SENP6: variants seen among roughly 807,000 people sequenced by gnomAD.
SENP6 encodes sentrin-specific protease 6.
Under a neutral mutation model 134.5 loss-of-function variants are expected in SENP6, and 41 were observed. The ratio of observed to expected loss-of-function variants is 0.30; its 90% CI spans 0.24 to 0.40. The LOEUF (loss-of-function observed/expected upper bound fraction) is 0.40, where lower values mean the gene tolerates loss of function less well. SENP6 is among the 10% of genes least tolerant of loss of function. The probability of loss-of-function intolerance (pLI) is 1.00; values close to 1 mark genes in which losing one functional copy is unlikely to be tolerated. For missense variants in SENP6, 1,248 were observed against 1,312.5 expected (o/e 0.95, Z 0.76); for synonymous variants, 395 against 429.8 (o/e 0.92, Z 1.00).
chr6:75,634,759 C>T lies in SENP6; in HGVS notation c.406C>T (p.Arg136Cys), dbSNP rs767018357. 12 of 1,596,160 alleles carry T rather than the reference C, an allele frequency of 7.5e-6. No homozygotes were observed. The highest frequency in any genetic ancestry group is 4.6e-5 in the South Asian group (4 of 86,268). ...LCSGTVVHGRRFHHAHAQIPV... is the reference protein window; with the variant it reads ...LCSGTVVHGRCFHHAHAQIPV... ...TTCTGGAACTGTAGTTCATGGTAGA[C>T]GTTTTCATCATGCTCATGCACAGAT... is the stretch of plus-strand genomic sequence containing the variant. The change falls in exon 5 of 24, where the codon CGT (arginine) becomes TGT (cysteine). Residue 136 changes from arginine (R) to cysteine (C), a missense_variant. Physicochemically the swap from Arg to Cys is radical, Grantham distance 180 (BLOSUM62 -3). Around this residue, in one of 3 missense-constraint regions of SENP6, gnomAD observed 733 missense variants for 725.4 expected, o/e 1.01. Coordinates refer to ENST00000447266, the MANE Select transcript of SENP6 (RefSeq NM_015571.4).
chr6:75,647,841 AT>A (rs2149849480), intron 7 of SENP6, 40 bp downstream of exon 7: 1 of 1,467,808 alleles, frequency 6.8e-7, no homozygotes, highest in East Asian at 2.3e-5. Context: ...AGGATTTCAA[AT>A]TGCTGTATGA....
chr6:75,715,391 A>C lies in SENP6; in HGVS notation c.3136A>C (p.Ile1046Leu). ...CATTTAATTGTATTTTCAGAATCCA[A>C]TTCTCAGTTTTGAACTACCTATGAA... ...QYVESFFENP[I>L]LSFELPMNLA... The change falls in exon 24 of 24, where the codon ATT becomes CTT. Residue 1046 changes from isoleucine (I) to leucine (L), a missense_variant. Ile to Leu is a conservative substitution (Grantham distance 5, BLOSUM62 2). Around this residue, in one of 3 missense-constraint regions of SENP6, gnomAD observed 386 missense variants for 395.0 expected, o/e 0.98. Transcript: ENST00000447266. 1.9e-6 allele frequency: 3 copies of C among 1,604,488 alleles called. No homozygotes were observed. The highest frequency in any genetic ancestry group is 2.6e-6 in the Non-Finnish European group (3 of 1,174,484).
At chr6:75,657,547 C>T (rs1345196003) in intron 7 of SENP6, among the ~76,000 whole-genome samples, 1 of 152,114 alleles carries the variant, frequency 6.6e-6, no homozygotes, top group Non-Finnish European at 1.5e-5. Flanking sequence ...TCTCTTCCTC[C>T]GACCCCTGTA....
chr6:75,703,794 C>A (rs1775206113), intron 19 of SENP6, among the ~76,000 whole-genome samples: 1 of 151,964 alleles, frequency 6.6e-6, no homozygotes, highest in African/African-American at 2.4e-5. Context: ...GAGAACTTTC[C>A]ATCACTCAAA....
intron 11 of SENP6, among the ~76,000 whole-genome samples, chr6:75,673,123 G>A (rs115198720): frequency 5.9e-5 from 9 of 151,802 alleles, no homozygotes; most frequent in East Asian, 5.9e-4. Flanking sequence ...CACTGCACCC[G>A]GCCAATTGGC....
intron 11 of SENP6, among the ~76,000 whole-genome samples, chr6:75,673,687 A>G (rs1772862437): frequency 6.6e-6 from 1 of 152,088 alleles, no homozygotes; most frequent in African/African-American, 2.4e-5. Context: ...AAATACTTAG[A>G]TATCACTTCC....
intron 16 of SENP6, among the ~76,000 whole-genome samples, chr6:75,680,917 A>T (rs1290636278): frequency 2.0e-5 from 3 of 152,176 alleles, no homozygotes; most frequent in Non-Finnish European, 4.4e-5. Flanking sequence ...CAAGAATTAT[A>T]TTGCTCTACA....
At chr6:75,705,987 A>AG (rs1775384537) in intron 19 of SENP6, among the ~76,000 whole-genome samples, 1 of 110,122 alleles carries the variant, frequency 9.1e-6, no homozygotes, top group Admixed American at 1.3e-4. Context: ...CCCAGGCTGG[A>AG]GTGCAGTGGC....
At chr6:75,676,981 A>G (rs961540449) in intron 13 of SENP6, 49 bp from the exon 14 acceptor site, 9 of 866,582 alleles carry the variant, frequency 1.0e-5, no homozygotes, top group Middle Eastern at 3.4e-4. Flanking sequence ...AAAAGTATCT[A>G]TTTACTTCTT....
intron 19 of SENP6, 86 bp from the exon 20 acceptor site, chr6:75,709,440 AT>A (rs1242982835): frequency 3.7e-6 from 3 of 818,976 alleles, no homozygotes; most frequent in Non-Finnish European, 5.9e-6. Flanking sequence ...TGTATCATTA[AT>A]TAACTACTAG....
intron 16 of SENP6, 128 bp downstream of exon 16, chr6:75,679,055 G>C: frequency 1.7e-6 from 1 of 577,336 alleles, no homozygotes. Flanking sequence ...GTGACATTTG[G>C]GGAGTTATTT....
chr6:75,673,736 G>A (rs1044939648), intron 11 of SENP6, among the ~76,000 whole-genome samples: 6 of 151,832 alleles, frequency 4.0e-5, no homozygotes, highest in Non-Finnish European at 8.8e-5. Context: ...TTATTTAAAT[G>A]CTTTATGTCA....
At chr6:75,698,933 C>T (rs988887501) in intron 18 of SENP6, among the ~76,000 whole-genome samples, 39 of 151,512 alleles carry the variant, frequency 2.6e-4, no homozygotes, top group African/African-American at 9.0e-4. Flanking sequence ...ATCGCCTGAA[C>T]CCGGGAGGCA....
Position 75,711,345 on chromosome 6 carries a change from T to C in SENP6, c.2838T>C (p.Asp946=), listed in dbSNP as rs1775732752. ...TTTTATAGGATGATAGCAGTGACGA[T>C]GGATTCCTCGCTGATGACAACTGCA... is the stretch of plus-strand genomic sequence containing the variant. The part of the protein sequence containing the change: ...DQDNQDDSSD[D]GFLADDNCSS... Residue 946 remains aspartate, a synonymous_variant, in exon 21 of 24, where the codon GAT becomes GAC. Coordinates refer to ENST00000447266, the MANE Select transcript of SENP6 (RefSeq NM_015571.4). 1 of 1,613,140 alleles carries C rather than the reference T, an allele frequency of 6.2e-7. No homozygotes were observed. Among genetic ancestry groups the C allele is most frequent in the Non-Finnish European group, 8.5e-7 (1 of 1,179,336 alleles).
intron 2 of SENP6, among the ~76,000 whole-genome samples, chr6:75,623,329 A>G: frequency 6.6e-6 from 1 of 152,154 alleles, no homozygotes; most frequent in Non-Finnish European, 1.5e-5. Flanking sequence ...ATCTATTAAC[A>G]TGAACCTGTT....
chr6:75,629,683 A>T (rs1387041627), intron 3 of SENP6, among the ~76,000 whole-genome samples: 1 of 152,226 alleles, frequency 6.6e-6, no homozygotes, highest in African/African-American at 2.4e-5. Context: ...TGTCCCAGGG[A>T]TATATACATA....
chr6:75,655,341 C>T (rs191835354), intron 7 of SENP6: 11 of 152,326 alleles, frequency 7.2e-5, no homozygotes, highest in Admixed American at 7.2e-4. Context: ...ATACATAAAT[C>T]TTAAGTATAT....
chr6:75,661,340 C>G (rs1019941287), intron 8 of SENP6, among the ~76,000 whole-genome samples: 1 of 152,302 alleles, frequency 6.6e-6, no homozygotes, highest in South Asian at 2.1e-4. Flanking sequence ...TGGCTCAGGC[C>G]ATGCTGATAT....
At chr6:75,706,114 C>T (rs887766898) in intron 19 of SENP6, among the ~76,000 whole-genome samples, 7 of 150,990 alleles carry the variant, frequency 4.6e-5, no homozygotes, top group African/African-American at 1.7e-4. Flanking sequence ...ACCTGTTGAG[C>T]TCTTGTAAGA....
Sources: allele counts gnomAD v4.1 joint callset (sites outside exome capture counted in the v4.1 genomes callset), GRCh38; gene constraint gnomAD v4.1.1; regional missense constraint gnomAD v4.1.1; transcripts MANE v1.5; gene names NCBI Gene and HGNC (gene_info 2026-07-23, HGNC 2026-07-21).